The following ADGRA2 variants were observed in gnomAD, a reference collection of about 807,000 sequenced individuals.
The protein encoded by ADGRA2 is G-protein coupled receptor 124.
ADGRA2 carries 61 observed loss-of-function variants against 98.7 expected under a neutral mutation model. The observed-to-expected ratio is 0.62, with a 90% CI of 0.50 to 0.76. The LOEUF is 0.76. ADGRA2 is among the 30% of genes least tolerant of loss of function. The pLI, the probability that ADGRA2 is intolerant of heterozygous loss-of-function variation, is 0.00. For missense variants in ADGRA2, 1,712 were observed against 1,860.0 expected (o/e 0.92, Z 1.46); for synonymous variants, 858 against 831.5 (o/e 1.03, Z -0.55).
chr8:37,813,668 A>C (rs1804904501), intron 1 of ADGRA2, among the ~76,000 whole-genome samples: 1 of 152,244 alleles, frequency 6.6e-6, no homozygotes, highest in South Asian at 2.1e-4. Context: ...GAAGGAGATG[A>C]GGTCTCCACC....
intron 1 of ADGRA2, among the ~76,000 whole-genome samples, chr8:37,806,520 C>CTTTTTTTTTTTTTTTT (rs1184569639): frequency 3.5e-5 from 3 of 85,480 alleles, no homozygotes; most frequent in East Asian, 2.6e-4. Context: ...TTTCTTTTTT[C>CTTTTTTTTTTTTTTTT]TTTTTCTTTT....
Position 37,806,526 on chromosome 8 carries a change from C to CT in ADGRA2, c.267-8354dup, listed in dbSNP as rs533491458. On this transcript the variant is annotated intron_variant, in intron 1 of 18. Transcript: ENST00000412232. ...CTTTTTCTTTTTCTTTTTTCTTTTT[C>CT]TTTTTTTTTTTTTTTTGAGACAGAG... Among the ~76,000 whole-genome samples the CT allele has an allele frequency of 6.0e-3, 600 of 100,332 alleles. 27 individuals are homozygous for CT. Among genetic ancestry groups the CT allele is most frequent in the Non-Finnish European group, 7.2e-3 (385 of 53,648 alleles). 65.8% of individuals were successfully genotyped at this position (100,332 alleles called of 152,430 possible).
chr8:37,841,830 C>G lies in ADGRA2; in HGVS notation c.3492C>G (p.Thr1164=). Residue 1164 remains threonine (T), a synonymous_variant, in exon 19 of 19, where the codon ACC becomes ACG. Transcript: ENST00000412232. The surrounding 1 kb of genome is among the most constrained non-coding windows in gnomAD (Gnocchi z 5.0). ...GGEGEPEPAG[T]RGNLAHRHPN... is the part of the protein sequence containing the mutation. Reference sequence around the variant, plus strand: ...AAGGAGAGCCGGAGCCGGCGGGCACCCGGGGAAACCTCGCCCACCGCCACC... The same window carrying G: ...AAGGAGAGCCGGAGCCGGCGGGCACGCGGGGAAACCTCGCCCACCGCCACC... 6 of 1,531,000 alleles carry G rather than the reference C, an allele frequency of 3.9e-6. No homozygotes were observed. Among genetic ancestry groups the G allele is most frequent in the South Asian group, 1.2e-5 (1 of 83,684 alleles). The allele number at this position is 1,531,000 out of a possible 1,614,324, so 94.8% of individuals were successfully genotyped here. A position where few individuals can be genotyped will look rare whatever the true frequency, so the allele number is the denominator to read the frequency against.
Position 37,838,030 on chromosome 8 carries a change from T to C in ADGRA2, c.2259+91T>C, listed in dbSNP as rs1585406463. On this transcript the variant is annotated intron_variant, in intron 14 of 18. Coordinates refer to ENST00000412232, the MANE Select transcript of ADGRA2 (RefSeq NM_032777.10). ...GGTGTACTCTGACCATTTGGGACCA[T>C]GGAGAAATACAGAAAGGACTGCAGC... 8 of 1,090,310 alleles carry C rather than the reference T, an allele frequency of 7.3e-6. No individual in the cohort carries two copies. The East Asian group carries it at 2.2e-4, about 30-fold the overall frequency. The allele number at this position is 1,090,310 out of a possible 1,614,324, so 67.5% of individuals were successfully genotyped here. A position where few individuals can be genotyped will look rare whatever the true frequency, so the allele number is the denominator to read the frequency against.
chr8:37,813,260 C>G (rs1804889067), intron 1 of ADGRA2, among the ~76,000 whole-genome samples: 1 of 152,058 alleles, frequency 6.6e-6, no homozygotes, highest in African/African-American at 2.4e-5. Flanking sequence ...TTTTAAAGAG[C>G]CTGTCACCAC....
intron 2 of ADGRA2, among the ~76,000 whole-genome samples, chr8:37,818,620 C>T (rs1805043971): frequency 6.6e-6 from 1 of 152,260 alleles, no homozygotes; most frequent in Admixed American, 6.5e-5. Flanking sequence ...TCCATTCATT[C>T]TGTAGGTGCT....
In ADGRA2 at chr8:37,831,024, G is replaced by A. The variant is rs563661158; in HGVS notation, c.932+101G>A. 3.2e-5 allele frequency: 26 copies of A among 801,034 alleles called. No individual in the cohort carries two copies. The East Asian group carries it at 4.3e-4, about 13-fold the overall frequency. The allele number at this position is 801,034 out of a possible 1,614,324, so 49.6% of individuals were successfully genotyped here. On this transcript the variant is annotated intron_variant, in intron 7 of 18. Coordinates refer to ENST00000412232, the MANE Select transcript of ADGRA2 (RefSeq NM_032777.10). ...AAGAGCTGCCCCCAGATGTGTTCCC[G>A]GGAGACTGTGCTTGTATATTTATGG...
chr8:37,831,006 GC>G, intron 7 of ADGRA2, 83 bp downstream of exon 7: 1 of 974,242 alleles, frequency 1.0e-6, no homozygotes, highest in Non-Finnish European at 1.6e-6. Context: ...CAAAAGAGCT[GC>G]CCCCAGATGT....
chr8:37,833,729 G>C lies in ADGRA2; in HGVS notation c.1338G>C (p.Gln446His). The C allele has an allele frequency of 6.2e-7, 1 of 1,614,204 alleles. No individual in the cohort carries two copies. Among genetic ancestry groups the C allele is most frequent in the South Asian group, 1.1e-5 (1 of 91,086 alleles). ...CCAATGCGCTGACCCTGGCTCACCA[G>C]CTGCGCGTGTACACAGCCGAGGCCG... ...NASNALTLAH[Q>H]LRVYTAEAAS... The change falls in exon 10 of 19, where the codon CAG becomes CAC. Residue 446 changes from glutamine to histidine, a missense_variant. By Grantham distance (24) the Gln-to-His change is conservative (BLOSUM62 0). Transcript: ENST00000412232.
chr8:37,815,527 TC>T (rs1804954810), intron 2 of ADGRA2, among the ~76,000 whole-genome samples: 1 of 152,156 alleles, frequency 6.6e-6, no homozygotes, highest in Non-Finnish European at 1.5e-5. Flanking sequence ...GTCTGGGCGT[TC>T]CCCGCTAGCC....
intron 1 of ADGRA2, among the ~76,000 whole-genome samples, chr8:37,800,588 T>C (rs1475865167): frequency 2.0e-5 from 3 of 152,132 alleles, no homozygotes; most frequent in Admixed American, 6.5e-5. Flanking sequence ...GGGGACAAGA[T>C]AAGTTAGGAG....
At chr8:37,831,222 C>T (rs188325359) in intron 7 of ADGRA2, among the ~76,000 whole-genome samples, 1 of 152,294 alleles carries the variant, frequency 6.6e-6, no homozygotes, top group East Asian at 1.9e-4. Flanking sequence ...ATATTATTGG[C>T]TCCATGATAA....
chr8:37,832,942 A>G, intron 8 of ADGRA2, 68 bp from the exon 9 acceptor site: 1 of 1,264,500 alleles, frequency 7.9e-7, no homozygotes. Flanking sequence ...TCACCGTTCT[A>G]AAGTCGGGAG....
In ADGRA2 at chr8:37,841,342, A is replaced by G; in HGVS notation, c.3004A>G (p.Thr1002Ala). Residue 1002 changes from threonine (T) to alanine (A), a missense_variant, in exon 19 of 19, where the codon ACG becomes GCG. Thr to Ala is a moderately conservative substitution (Grantham distance 58, BLOSUM62 0). Coordinates refer to ENST00000412232, the MANE Select transcript of ADGRA2 (RefSeq NM_032777.10). This position sits in a 1 kb window ranked among gnomAD's most constrained non-coding sequence, Gnocchi z 5.0. ...LLATGSARVG[T>A]PGPPEDGDSL... ...TGCTACTGGGAGCGCGCGAGTGGGG[A>G]CGCCCGGGCCCCCGGAGGATGGTGA... is the stretch of plus-strand genomic sequence containing the variant. The G allele has an allele frequency of 6.2e-7, 1 of 1,605,616 alleles. No homozygotes were observed. The highest frequency in any genetic ancestry group is 8.5e-7 in the Non-Finnish European group (1 of 1,176,534).
rs182018348 is a variant in ADGRA2 at position 37,799,897 on chromosome 8, G to A, written c.266+2363G>A. Among the ~76,000 whole-genome samples the A allele has an allele frequency of 4.7e-3, 715 of 152,188 alleles. 3 individuals are homozygous for A. The highest frequency in any genetic ancestry group is 7.1e-3 in the Non-Finnish European group (480 of 67,996). On this transcript the variant is annotated intron_variant, in intron 1 of 18. Coordinates refer to ENST00000412232, the MANE Select transcript of ADGRA2 (RefSeq NM_032777.10). Reference sequence around the variant, plus strand: ...CTGCTTAGCTCTCCCACCAGACTTCGCATAATCCTCATCCTCATGGCACCC... The same window carrying A: ...CTGCTTAGCTCTCCCACCAGACTTCACATAATCCTCATCCTCATGGCACCC...
intron 13 of ADGRA2, among the ~76,000 whole-genome samples, chr8:37,836,038 AAC>A (rs58082798): frequency 0.11 from 14,142 of 124,212 alleles, 968 homozygotes; most frequent in Non-Finnish European, 0.15. Context: ...AGCCCCCTCC[AAC>A]ACACACACAC....
chr8:37,798,499 C>T (rs1804409466), intron 1 of ADGRA2, among the ~76,000 whole-genome samples: 2 of 152,234 alleles, frequency 1.3e-5, no homozygotes, highest in Admixed American at 6.5e-5. Flanking sequence ...GACCCCTCCC[C>T]ACCGCAGAGA....
chr8:37,800,017 C>G (rs761384031), intron 1 of ADGRA2, among the ~76,000 whole-genome samples: 1 of 152,200 alleles, frequency 6.6e-6, no homozygotes, highest in Non-Finnish European at 1.5e-5. Context: ...GGCTCAGTCC[C>G]TCCAGCACCC....
Position 37,839,070 on chromosome 8 carries a change from A to G in ADGRA2, c.2374A>G (p.Ile792Val). ...CCTCTTCGCCACCATCATCACCTACATCCTCAACCACAGGTGGGTGCTCCT... is the reference window on the plus strand; with the variant it reads ...CCTCTTCGCCACCATCATCACCTACGTCCTCAACCACAGGTGGGTGCTCCT... ...LCLFATIITY[I>V]LNHSSIRVSR... Residue 792 changes from isoleucine (I) to valine (V), a missense_variant, in exon 15 of 19, where the codon ATC becomes GTC. By Grantham distance (29) the Ile-to-Val change is conservative. Transcript: ENST00000412232. 1.2e-6 allele frequency: 2 copies of G among 1,609,072 alleles called. No homozygotes were observed. The highest frequency in any genetic ancestry group is 1.3e-5 in the African/African-American group (1 of 74,990).
Sources: gnomAD v4.1 joint callset for allele counts (sites outside exome capture counted in the v4.1 genomes callset) on GRCh38, gnomAD v4.1.1 for gene constraint, Gnocchi (gnomAD v3.1) non-coding constraint, MANE v1.5 for transcripts, NCBI Gene and HGNC (gene_info 2026-07-23, HGNC 2026-07-21) for gene names.